FGF14: variants seen among roughly 807,000 people sequenced by gnomAD.
The protein encoded by FGF14 is fibroblast growth factor 14.
Under a neutral mutation model 25.5 loss-of-function variants are expected in FGF14, and 5 were observed. That is an observed-to-expected ratio of 0.20 (90% CI 0.10 to 0.41). The LOEUF (loss-of-function observed/expected upper bound fraction) is 0.41, where lower values mean the gene tolerates loss of function less well. FGF14 is among the 10% of genes least tolerant of loss of function. The pLI is 1.00. For missense variants in FGF14, 222 were observed against 320.1 expected (o/e 0.69, Z 2.34); for synonymous variants, 138 against 118.3 (o/e 1.17, Z -1.08).
intron 1 of FGF14, among the ~76,000 whole-genome samples, chr13:102,190,633 C>T (rs751157054): frequency 1.3e-5 from 2 of 152,084 alleles, no homozygotes; most frequent in African/African-American, 2.4e-5. Flanking sequence ...AAGGATAAAA[C>T]CAATGTTAGG....
chr13:101,806,507 C>T (rs1226420160), intron 3 of FGF14, among the ~76,000 whole-genome samples: 1 of 143,676 alleles, frequency 7.0e-6, no homozygotes, highest in African/African-American at 2.6e-5. Context: ...AAAATATGAA[C>T]AAAAAGTAAT....
intron 1 of FGF14, among the ~76,000 whole-genome samples, chr13:102,068,269 G>A (rs1366885082): frequency 6.6e-6 from 1 of 152,216 alleles, no homozygotes; most frequent in African/African-American, 2.4e-5. Flanking sequence ...AAAAGCAAGA[G>A]CAAACCAGGC....
rs565787840 is a variant in FGF14, at chr13:102,022,486, A to AT, written c.209-147191dup. On this transcript the variant is annotated intron_variant, in intron 1 of 4. Coordinates refer to the FGF14 transcript ENST00000376131. ...AACCTCCCTTTTTTGTTGCTGTTTT[A>AT]TTTTTTCCTCACTCCATCTGCTCAG... is the stretch of plus-strand genomic sequence containing the variant. 8.7e-4 allele frequency among the ~76,000 whole-genome samples: 132 copies of AT among 152,100 alleles called. 1 individual carries two copies. Among genetic ancestry groups the AT allele is most frequent in the Middle Eastern group, 6.8e-3 (2 of 294 alleles).
intron 1 of FGF14, among the ~76,000 whole-genome samples, chr13:101,922,189 A>G (rs1324597994): frequency 1.3e-5 from 2 of 152,196 alleles, no homozygotes; most frequent in Non-Finnish European, 2.9e-5. Flanking sequence ...TGCTTAATCC[A>G]GTCTGTCAAG....
intron 1 of FGF14, among the ~76,000 whole-genome samples, chr13:102,325,580 A>T (rs1448789507): frequency 6.6e-6 from 1 of 152,090 alleles, no homozygotes; most frequent in Non-Finnish European, 1.5e-5. Context: ...TATCATGGGT[A>T]AGGCCCTTCC....
chr13:101,906,616 C>T (rs983054078), intron 1 of FGF14, among the ~76,000 whole-genome samples: 3 of 152,094 alleles, frequency 2.0e-5, no homozygotes, highest in Non-Finnish European at 4.4e-5. Context: ...GCATTCATGT[C>T]TCGTTGTTGA....
At chr13:102,169,925 G>A (rs1232999404) in intron 1 of FGF14, among the ~76,000 whole-genome samples, 2 of 152,100 alleles carry the variant, frequency 1.3e-5, no homozygotes, top group African/African-American at 2.4e-5. Context: ...TCAGTTTTAT[G>A]TTAACTGATT....
chr13:102,051,941 A>T (rs1175402285), intron 1 of FGF14, among the ~76,000 whole-genome samples: 1 of 152,130 alleles, frequency 6.6e-6, no homozygotes, highest in African/African-American at 2.4e-5. Context: ...TTAAATGCTT[A>T]AAAAAATTCA....
At chr13:101,863,125 T>G (rs1325870033) in intron 3 of FGF14, among the ~76,000 whole-genome samples, 3 of 152,276 alleles carry the variant, frequency 2.0e-5, no homozygotes, top group Middle Eastern at 3.4e-3. Flanking sequence ...TCATAGATTG[T>G]TATAATAATT....
chr13:101,819,022 A>G (rs2041981570), intron 3 of FGF14, among the ~76,000 whole-genome samples: 1 of 152,152 alleles, frequency 6.6e-6, no homozygotes, highest in South Asian at 2.1e-4. Context: ...TACAAATTTA[A>G]AAAGGCAAAA....
intron 1 of FGF14, among the ~76,000 whole-genome samples, chr13:101,974,288 CT>C (rs1358169643): frequency 6.6e-6 from 1 of 152,186 alleles, no homozygotes; most frequent in African/African-American, 2.4e-5. Flanking sequence ...TTTTCTTCAT[CT>C]TTCAGATGAG....
intron 3 of FGF14, among the ~76,000 whole-genome samples, chr13:101,850,504 A>AGC (rs1566311591): frequency 0.024 from 51 of 2,104 alleles, no homozygotes; most frequent in South Asian, 0.13. Flanking sequence ...ATATATATAT[A>AGC]TATATATATA....
chr13:102,119,444 G>A (rs1250527722), intron 1 of FGF14, among the ~76,000 whole-genome samples: 1 of 152,092 alleles, frequency 6.6e-6, no homozygotes, highest in African/African-American at 2.4e-5. Context: ...AAAATTACTA[G>A]GGATGACAAA....
chr13:102,041,983 C>T (rs2041765920), intron 1 of FGF14, among the ~76,000 whole-genome samples: 1 of 152,136 alleles, frequency 6.6e-6, no homozygotes, highest in Non-Finnish European at 1.5e-5. Context: ...CCAAAGTTCA[C>T]TTAAAGGACT....
chr13:101,850,117 T>C (rs150934190), intron 3 of FGF14, among the ~76,000 whole-genome samples: 110 of 151,262 alleles, frequency 7.3e-4, no homozygotes, highest in African/African-American at 2.4e-3. Context: ...GCAAAATAAA[T>C]TCTAACTCAA....
intron 1 of FGF14, among the ~76,000 whole-genome samples, chr13:102,052,341 A>T (rs569107866): frequency 8.5e-5 from 13 of 152,146 alleles, no homozygotes; most frequent in Non-Finnish European, 1.3e-4. Context: ...TTAAAAAAAT[A>T]GCAAAAACTT....
At chr13:102,203,401 C>T (rs993850155) in intron 1 of FGF14, among the ~76,000 whole-genome samples, 3 of 152,120 alleles carry the variant, frequency 2.0e-5, no homozygotes, top group Non-Finnish European at 4.4e-5. Context: ...GATATTAGCG[C>T]AACTATAGAA....
chr13:101,865,452 G>A lies in FGF14; in HGVS notation c.408+3273C>T, dbSNP rs187156874. Among the ~76,000 whole-genome samples the A allele has an allele frequency of 9.1e-4, 138 of 152,134 alleles. 2 individuals are homozygous for A. Among genetic ancestry groups the A allele is most frequent in the Non-Finnish European group, 5.0e-4 (34 of 67,996 alleles). On this transcript the variant is annotated intron_variant, in intron 3 of 4. Coordinates refer to ENST00000376143, the MANE Select transcript of FGF14 (RefSeq NM_004115.4). The stretch of plus-strand genomic sequence containing the variant: ...GCCCACACTGTACCTTCAATCAAAT[G>A]GCTTGTATCCGACATTAAATCTCTT...
At chr13:102,230,830 AC>A (rs1294305055) in intron 1 of FGF14, among the ~76,000 whole-genome samples, 1 of 152,108 alleles carries the variant, frequency 6.6e-6, no homozygotes, top group Non-Finnish European at 1.5e-5. Flanking sequence ...TATTACTGAA[AC>A]TTTTATTAAA....
Sources: gnomAD v4.1 joint callset for allele counts (sites outside exome capture counted in the v4.1 genomes callset) on GRCh38, gnomAD v4.1.1 for gene constraint, MANE v1.5 for transcripts, NCBI Gene and HGNC (gene_info 2026-07-23, HGNC 2026-07-21) for gene names.